TSNARE1: variants seen among roughly 807,000 people sequenced by gnomAD.
The protein encoded by TSNARE1 is t-SNARE domain containing 1.
TSNARE1 carries 49 observed loss-of-function variants against 62.0 expected under a neutral mutation model. The ratio of observed to expected loss-of-function variants is 0.79; its 90% CI spans 0.63 to 1.00. The LOEUF (loss-of-function observed/expected upper bound fraction) is 1.00. Among genes scored for constraint, TSNARE1 ranks in the 50% least tolerant of loss-of-function variants. The pLI is 0.00. For synonymous variants in TSNARE1, 328 were observed against 294.4 expected (o/e 1.11, Z -1.17); for missense variants, 755 against 700.1 (o/e 1.08, Z -0.88).
intron 11 of TSNARE1, among the ~76,000 whole-genome samples, chr8:142,283,828 T>G (rs1342078312): frequency 1.5e-5 from 2 of 130,882 alleles, no homozygotes; most frequent in Admixed American, 7.4e-5. Flanking sequence ...GGCCAGTGTC[T>G]GTCAATGAGC....
At chr8:142,394,764 T>C (rs1837782658) in intron 1 of TSNARE1, among the ~76,000 whole-genome samples, 1 of 152,178 alleles carries the variant, frequency 6.6e-6, no homozygotes, top group African/African-American at 2.4e-5. Flanking sequence ...AGCTGTGGGA[T>C]GGTCCGCAGG....
At position 142,229,730 on chromosome 8, in the gene TSNARE1, G is replaced by A. The variant is rs1817013421; in HGVS notation, c.1447-151C>T. The A allele has an allele frequency of 6.1e-6, 4 of 656,876 alleles. No homozygotes were observed. The Admixed American group carries it at 9.0e-5, about 15-fold the overall frequency. The allele number at this position is 656,876 out of a possible 1,614,324, so 40.7% of individuals were successfully genotyped here. On this transcript the variant is annotated intron_variant, in intron 12 of 13. Coordinates refer to ENST00000524325, the MANE Select transcript of TSNARE1 (RefSeq NM_145003.5). The stretch of plus-strand genomic sequence containing the variant: ...AGAGAGAACCTGTGTCTTTCAAGGG[G>A]CTCTGTCCTGAGCTAGCATGACTGT...
At chr8:142,374,072 A>G (rs1165471209) in intron 1 of TSNARE1, among the ~76,000 whole-genome samples, 2 of 152,076 alleles carry the variant, frequency 1.3e-5, no homozygotes, top group African/African-American at 4.8e-5. Context: ...GAGAGGCTGA[A>G]GCAGCCAGAT....
intron 12 of TSNARE1, among the ~76,000 whole-genome samples, chr8:142,244,218 C>T (rs1817786341): frequency 6.6e-6 from 1 of 152,174 alleles, no homozygotes; most frequent in Non-Finnish European, 1.5e-5. Flanking sequence ...ACAGAATTAT[C>T]ATCACAGGAA....
At chr8:142,278,039 C>T in intron 11 of TSNARE1, 1 of 985,398 alleles carries the variant, frequency 1.0e-6, no homozygotes, top group Non-Finnish European at 1.2e-6. Context: ...GGGGGTGGAT[C>T]CAGCCATCCC....
chr8:142,356,902 C>T (rs772097772), intron 1 of TSNARE1, among the ~76,000 whole-genome samples: 1 of 152,052 alleles, frequency 6.6e-6, no homozygotes, highest in Non-Finnish European at 1.5e-5. Context: ...GCTCAGATAA[C>T]AAAGGCTGTG....
At chr8:142,271,609 G>T in intron 12 of TSNARE1, 1 of 1,434,078 alleles carries the variant, frequency 7.0e-7, no homozygotes, top group Non-Finnish European at 9.1e-7. Context: ...GTAAGTCCAG[G>T]GGGTCAGGTT....
intron 7 of TSNARE1, among the ~76,000 whole-genome samples, chr8:142,315,504 C>CTCCCCGTGGCCTCCAGGG (rs1828394783): frequency 6.6e-6 from 1 of 152,248 alleles, no homozygotes; most frequent in Non-Finnish European, 1.5e-5. Flanking sequence ...TGTATCTGGG[C>CTCCCCGTGGCCTCCAGGG]TCCCCGTGGC....
intron 12 of TSNARE1, among the ~76,000 whole-genome samples, chr8:142,268,048 C>T (rs963068344): frequency 6.6e-6 from 1 of 152,208 alleles, no homozygotes; most frequent in Non-Finnish European, 1.5e-5. Flanking sequence ...TTTCCAGGCC[C>T]AGATCTGAGG....
At position 142,361,972 on chromosome 8, in the gene TSNARE1, G is replaced by C. The variant is rs994393384; in HGVS notation, c.-39-7209C>G. ...GGGAAACCAGTTTCCAGGGCAAAATGAAACTGCAAAGTTCAAGAGGAGAAA... is the reference window on the plus strand; with the variant it reads ...GGGAAACCAGTTTCCAGGGCAAAATCAAACTGCAAAGTTCAAGAGGAGAAA... On this transcript the variant is annotated intron_variant, in intron 1 of 13. Coordinates refer to ENST00000524325, the MANE Select transcript of TSNARE1 (RefSeq NM_145003.5). 3.9e-5 allele frequency among the ~76,000 whole-genome samples: 6 copies of C among 152,242 alleles called. 1 individual carries two copies. The East Asian group carries it at 1.2e-3, about 29-fold the overall frequency.
intron 1 of TSNARE1, among the ~76,000 whole-genome samples, chr8:142,400,394 C>G (rs1442955523): frequency 6.8e-6 from 1 of 147,842 alleles, no homozygotes; most frequent in Non-Finnish European, 1.5e-5. Flanking sequence ...TGCAGTGAAC[C>G]AAGATTGCAC....
chr8:142,255,151 A>T (rs1283933775), intron 12 of TSNARE1, among the ~76,000 whole-genome samples: 1 of 151,972 alleles, frequency 6.6e-6, no homozygotes, highest in Non-Finnish European at 1.5e-5. Flanking sequence ...CTCTGTCCCC[A>T]GCCCCATGAA....
At chr8:142,309,238 C>T (rs1423858604) in intron 9 of TSNARE1, among the ~76,000 whole-genome samples, 1 of 152,188 alleles carries the variant, frequency 6.6e-6, no homozygotes, top group Non-Finnish European at 1.5e-5. Flanking sequence ...AGTTTCTTCT[C>T]AATCCTACTC....
intron 13 of TSNARE1, among the ~76,000 whole-genome samples, chr8:142,215,976 G>A: frequency 6.6e-6 from 1 of 152,154 alleles, no homozygotes; most frequent in Non-Finnish European, 1.5e-5. Flanking sequence ...CTCGGGCCCT[G>A]TGCAAATTCA....
At chr8:142,349,295 T>A (rs1833787596) in intron 2 of TSNARE1, among the ~76,000 whole-genome samples, 1 of 152,204 alleles carries the variant, frequency 6.6e-6, no homozygotes, top group South Asian at 2.1e-4. Context: ...AATGGAAAGT[T>A]AAAGATATTT....
chr8:142,268,343 T>A (rs1166020653), intron 12 of TSNARE1, among the ~76,000 whole-genome samples: 2 of 152,262 alleles, frequency 1.3e-5, no homozygotes, highest in African/African-American at 4.8e-5. Context: ...CTCGAGTCCC[T>A]GCTCCTCAGC....
intron 10 of TSNARE1, among the ~76,000 whole-genome samples, chr8:142,284,810 G>A (rs888465034): frequency 3.3e-5 from 5 of 152,210 alleles, no homozygotes; most frequent in Non-Finnish European, 7.3e-5. Context: ...TGAGTACAGA[G>A]GTCCCAGGGT....
At chr8:142,284,562 G>A (rs1822361995) in intron 10 of TSNARE1, 77 bp from the exon 11 acceptor site, 1 of 1,267,342 alleles carries the variant, frequency 7.9e-7, no homozygotes, top group East Asian at 2.3e-5. Context: ...GTTTCCCATG[G>A]AACCTGGGGC....
At chr8:142,384,189 G>C (rs926957106) in intron 1 of TSNARE1, among the ~76,000 whole-genome samples, 4 of 152,134 alleles carry the variant, frequency 2.6e-5, no homozygotes, top group Non-Finnish European at 5.9e-5. Flanking sequence ...GTCACTAAGA[G>C]AGCCACATGT....
Sources: allele counts gnomAD v4.1 joint callset (sites outside exome capture counted in the v4.1 genomes callset), GRCh38; gene constraint gnomAD v4.1.1; transcripts MANE v1.5; gene names NCBI Gene and HGNC (gene_info 2026-07-23, HGNC 2026-07-21).